Variants in FBXW7 observed in about 807,000 individuals in gnomAD.
The protein encoded by FBXW7 is F-box and WD repeat domain containing 7.
Under a neutral mutation model 86.3 loss-of-function variants are expected in FBXW7, and 11 were observed. The ratio of observed to expected loss-of-function variants is 0.13; its 90% confidence interval spans 0.08 to 0.21. The LOEUF (loss-of-function observed/expected upper bound fraction) is 0.21. Ranked by LOEUF, FBXW7 falls within the 10% of genes least tolerant of loss-of-function variation. The pLI, the probability that FBXW7 is intolerant of heterozygous loss-of-function variation, is 1.00. For synonymous variants in FBXW7, 313 were observed against 297.9 expected (o/e 1.05, Z -0.52); for missense variants, 488 against 847.4 (o/e 0.58, Z 5.27).
At position 152,460,376 on chromosome 4, in the gene FBXW7, A is replaced by C. The variant is rs1232456089; in HGVS notation, c.-119-47847T>G. On this transcript the variant is annotated intron_variant, in intron 2 of 13. Transcript: ENST00000281708. ...AGGTACTTGTTTTTAAAATAAGGAA[A>C]AATATAGTTTATAAAAATTAGAGTA... Among the ~76,000 whole-genome samples, 4 of 152,310 alleles carry C rather than the reference A, an allele frequency of 2.6e-5. No individual in the cohort carries two copies. The East Asian group carries it at 7.7e-4, about 29-fold the overall frequency.
chr4:152,369,226 T>C (rs1310843609), intron 4 of FBXW7, among the ~76,000 whole-genome samples: 1 of 152,138 alleles, frequency 6.6e-6, no homozygotes, highest in Non-Finnish European at 1.5e-5. Flanking sequence ...AACCATGCTT[T>C]CCATGGGTTA....
At position 152,322,831 on chromosome 4, in the gene FBXW7, G is replaced by A. The variant is rs2126455905; in HGVS notation, c.*50C>T. On this transcript the variant is annotated 3_prime_UTR_variant, in exon 14 of 14. Coordinates refer to ENST00000281708, the MANE Select transcript of FBXW7 (RefSeq NM_001349798.2). ...TTTTTTTCTTTTTGCAGGGGGAAGG[G>A]CAGGGAGTATATCGTCTACACAATT... 1 of 1,599,354 alleles carries A rather than the reference G, an allele frequency of 6.3e-7. No homozygotes were observed.
At chr4:152,331,781 T>C (rs1283705531) in intron 8 of FBXW7, among the ~76,000 whole-genome samples, 2 of 152,080 alleles carry the variant, frequency 1.3e-5, no homozygotes, top group East Asian at 1.9e-4. Context: ...AATGATTATA[T>C]GGAAGAAGGG....
At chr4:152,397,929 T>C (rs1180579666) in intron 4 of FBXW7, among the ~76,000 whole-genome samples, 2 of 151,942 alleles carry the variant, frequency 1.3e-5, no homozygotes, top group Admixed American at 6.6e-5. Flanking sequence ...TTTACACGTA[T>C]ATGTTCAGAT....
chr4:152,471,205 A>G (rs1024000253), intron 2 of FBXW7, among the ~76,000 whole-genome samples: 18 of 151,838 alleles, frequency 1.2e-4, no homozygotes, highest in Non-Finnish European at 5.9e-5. Flanking sequence ...AAAATAAGAT[A>G]TATTAGAGAC....
intron 2 of FBXW7, among the ~76,000 whole-genome samples, chr4:152,498,753 T>C (rs1183770781): frequency 1.3e-5 from 2 of 151,952 alleles, no homozygotes; most frequent in South Asian, 2.1e-4. Context: ...AAAGGTTTCA[T>C]AACAATAGTG....
chr4:152,344,177 C>T (rs1362931538), intron 6 of FBXW7, among the ~76,000 whole-genome samples: 1 of 152,128 alleles, frequency 6.6e-6, no homozygotes, highest in Non-Finnish European at 1.5e-5. Context: ...GAAATTATAT[C>T]TCTACAAGTT....
At chr4:152,520,439 CA>C (rs58890384) in intron 2 of FBXW7, among the ~76,000 whole-genome samples, 4,772 of 60,492 alleles carry the variant, frequency 0.079, 61 homozygotes, top group African/African-American at 0.12. Flanking sequence ...GACTCCGTCT[CA>C]AAAAAAAAAA....
intron 2 of FBXW7, among the ~76,000 whole-genome samples, chr4:152,480,553 G>A (rs900844842): frequency 6.6e-6 from 1 of 152,132 alleles, no homozygotes; most frequent in African/African-American, 2.4e-5. Context: ...TAGTGAGGAA[G>A]GAATGATGAA....
intron 2 of FBXW7, among the ~76,000 whole-genome samples, chr4:152,534,685 G>A (rs1026222827): frequency 1.3e-5 from 2 of 152,202 alleles, no homozygotes; most frequent in Non-Finnish European, 2.9e-5. Context: ...CCAACTGCTG[G>A]CCAGAAAGGT....
At chr4:152,433,525 C>T (rs570572519) in intron 2 of FBXW7, among the ~76,000 whole-genome samples, 1 of 152,126 alleles carries the variant, frequency 6.6e-6, no homozygotes, top group South Asian at 2.1e-4. Flanking sequence ...CTGTTTTTTC[C>T]ACCACTTTTT....
At chr4:152,368,728 A>G (rs1392564785) in intron 4 of FBXW7, among the ~76,000 whole-genome samples, 1 of 152,228 alleles carries the variant, frequency 6.6e-6, no homozygotes, top group East Asian at 1.9e-4. Flanking sequence ...TTTAGCAGCT[A>G]ACATAATATG....
At chr4:152,415,777 T>A (rs955855377) in intron 2 of FBXW7, among the ~76,000 whole-genome samples, 1 of 152,106 alleles carries the variant, frequency 6.6e-6, no homozygotes, top group Non-Finnish European at 1.5e-5. Context: ...TCTGTCACCG[T>A]TCTTTCTTGA....
At position 152,477,244 on chromosome 4, in the gene FBXW7, T is replaced by C. The variant is rs182868642; in HGVS notation, c.-120+57697A>G. ...TTCACAGTTCTTGACAATGGGACTC[T>C]AGTTCCAAAGGGGTAGGTCAATATT... On this transcript the variant is annotated intron_variant, in intron 2 of 13. Coordinates refer to ENST00000281708, the MANE Select transcript of FBXW7 (RefSeq NM_001349798.2). 2.6e-5 allele frequency among the ~76,000 whole-genome samples: 4 copies of C among 152,278 alleles called. No individual in the cohort carries two copies. The East Asian group carries it at 5.8e-4, about 22-fold the overall frequency.
chr4:152,435,136 C>CA (rs1740272889), intron 2 of FBXW7, among the ~76,000 whole-genome samples: 1 of 147,638 alleles, frequency 6.8e-6, no homozygotes, highest in African/African-American at 2.5e-5. Context: ...CCCTACCAAA[C>CA]ACGTAAGTAT....
chr4:152,382,901 T>C (rs1242166794), intron 4 of FBXW7, among the ~76,000 whole-genome samples: 3 of 152,112 alleles, frequency 2.0e-5, no homozygotes, highest in Non-Finnish European at 4.4e-5. Context: ...CACACACACA[T>C]ATGTATGTTT....
Position 152,321,475 on chromosome 4 carries a change from G to T in FBXW7, c.*1406C>A, listed in dbSNP as rs1728554250. ...CAGAAGGAGGAAAAAAGATCGCCTA[G>T]GATACAGTGTTAAACCACTTTCACA... On this transcript the variant is annotated 3_prime_UTR_variant, in exon 14 of 14. Transcript: ENST00000281708. The T allele has an allele frequency of 1.3e-5, 3 of 232,918 alleles. No homozygotes were observed. The highest frequency in any genetic ancestry group is 1.1e-4 in the Admixed American group (2 of 17,740). 14.4% of individuals were successfully genotyped at this position (232,918 alleles called of 1,614,324 possible).
chr4:152,335,114 G>GT (rs1729940395), intron 7 of FBXW7, among the ~76,000 whole-genome samples: 1 of 152,126 alleles, frequency 6.6e-6, no homozygotes, highest in African/African-American at 2.4e-5. Flanking sequence ...AGGAAGCAAG[G>GT]TTTTGTCATG....
At chr4:152,424,942 A>T (rs1233013672) in intron 2 of FBXW7, among the ~76,000 whole-genome samples, 1 of 152,260 alleles carries the variant, frequency 6.6e-6, no homozygotes, top group Non-Finnish European at 1.5e-5. Context: ...ACATCAACTG[A>T]CTATGCATAT....
Sources: allele counts gnomAD v4.1 joint callset (sites outside exome capture counted in the v4.1 genomes callset), GRCh38; gene constraint gnomAD v4.1.1; transcripts MANE v1.5; gene names NCBI Gene and HGNC (gene_info 2026-07-23, HGNC 2026-07-21).